ITGA9: variants seen among roughly 807,000 people sequenced by gnomAD.
ITGA9 encodes integrin subunit alpha 9, also known as integrin alpha-9.
A neutral mutation model predicts 127.8 loss-of-function variants in ITGA9; 56 were observed. The observed-to-expected ratio is 0.44, with a 90% CI of 0.35 to 0.55. ITGA9 has a LOEUF of 0.55. Among genes scored for constraint, ITGA9 ranks in the 20% least tolerant of loss-of-function variants. ITGA9 has a pLI of 0.00. For synonymous variants in ITGA9, 508 were observed against 514.5 expected, an observed-to-expected ratio of 0.99 and a Z score of 0.17; for missense variants, 1,196 against 1,347.1, an observed-to-expected ratio of 0.89 and a Z score of 1.76.
At chr3:37,557,404 CAG>C (rs1307686736) in intron 15 of ITGA9, among the ~76,000 whole-genome samples, 1 of 152,184 alleles carries the variant, frequency 6.6e-6, no homozygotes, top group African/African-American at 2.4e-5. Flanking sequence ...CTGTCACCTA[CAG>C]AGAGCTAGGG....
At chr3:37,764,917 C>A (rs1221593241) in intron 23 of ITGA9, among the ~76,000 whole-genome samples, 1 of 152,230 alleles carries the variant, frequency 6.6e-6, no homozygotes, top group Non-Finnish European at 1.5e-5. Flanking sequence ...CCTAAAGTTG[C>A]AAACCCCCAT....
intron 8 of ITGA9, among the ~76,000 whole-genome samples, chr3:37,511,777 T>C (rs1698907308): frequency 6.6e-6 from 1 of 152,190 alleles, no homozygotes; most frequent in South Asian, 2.1e-4. Flanking sequence ...GAGCGGCCAC[T>C]ACAAAGCCCT....
At chr3:37,467,827 G>T (rs1359857118) in intron 1 of ITGA9, among the ~76,000 whole-genome samples, 1 of 152,158 alleles carries the variant, frequency 6.6e-6, no homozygotes, top group Non-Finnish European at 1.5e-5. Context: ...GGCTGAGGAT[G>T]TTTCAGCAGT....
intron 11 of ITGA9, among the ~76,000 whole-genome samples, chr3:37,523,091 C>T (rs2125582355): frequency 6.6e-6 from 1 of 152,240 alleles, no homozygotes; most frequent in East Asian, 1.9e-4. Flanking sequence ...CTCTTAGGAG[C>T]AGAGTGTTAA....
At chr3:37,545,960 T>G (rs1226487506) in intron 15 of ITGA9, among the ~76,000 whole-genome samples, 1 of 152,246 alleles carries the variant, frequency 6.6e-6, no homozygotes, top group Non-Finnish European at 1.5e-5. Context: ...GCCCGGTTTG[T>G]GTCATATTCA....
At chr3:37,679,470 A>G (rs1700713884) in intron 17 of ITGA9, among the ~76,000 whole-genome samples, 1 of 152,126 alleles carries the variant, frequency 6.6e-6, no homozygotes. Flanking sequence ...CTTCATGCCA[A>G]AGGAGGTGTG....
At chr3:37,533,805 G>A (rs1297287572) in intron 14 of ITGA9, among the ~76,000 whole-genome samples, 2 of 152,146 alleles carry the variant, frequency 1.3e-5, no homozygotes, top group Non-Finnish European at 2.9e-5. Flanking sequence ...GGGAACATTC[G>A]AGCAGTTAGA....
intron 23 of ITGA9, among the ~76,000 whole-genome samples, chr3:37,751,630 G>A (rs1696587420): frequency 6.6e-6 from 1 of 152,112 alleles, no homozygotes; most frequent in Admixed American, 6.5e-5. Flanking sequence ...CCAAGGAAAA[G>A]CCACTGGAAG....
intron 22 of ITGA9, chr3:37,748,257 A>G (rs1696531384): frequency 2.0e-6 from 1 of 498,186 alleles, no homozygotes; most frequent in Non-Finnish European, 3.8e-6. Flanking sequence ...GTACTGTTCA[A>G]AAAGGAAGGC....
At chr3:37,534,506 C>A (rs1699189608) in intron 14 of ITGA9, among the ~76,000 whole-genome samples, 1 of 152,234 alleles carries the variant, frequency 6.6e-6, no homozygotes, top group Non-Finnish European at 1.5e-5. Flanking sequence ...GCACACACGC[C>A]CACTCATGCA....
intron 2 of ITGA9, among the ~76,000 whole-genome samples, chr3:37,472,188 C>T (rs1014777582): frequency 2.0e-5 from 3 of 152,202 alleles, no homozygotes; most frequent in Non-Finnish European, 4.4e-5. Context: ...GCTTCTTGGG[C>T]CTCAGTTCCC....
intron 18 of ITGA9, among the ~76,000 whole-genome samples, chr3:37,726,348 A>G (rs140261057): frequency 1.5e-3 from 223 of 152,346 alleles, no homozygotes; most frequent in African/African-American, 5.1e-3. Context: ...ACATGTCAGA[A>G]CTAGAAAGTT....
At chr3:37,801,051 G>A (rs1697229895) in intron 26 of ITGA9, among the ~76,000 whole-genome samples, 1 of 152,210 alleles carries the variant, frequency 6.6e-6, no homozygotes, top group Non-Finnish European at 1.5e-5. Flanking sequence ...TGTAATCCCA[G>A]CTTCTTGGGA....
intron 6 of ITGA9, 31 bp downstream of exon 6, chr3:37,503,338 A>G: frequency 6.2e-7 from 1 of 1,612,132 alleles, no homozygotes; most frequent in Non-Finnish European, 8.5e-7. Context: ...CAGGTAAGAA[A>G]GGGGAAATGG....
intron 4 of ITGA9, among the ~76,000 whole-genome samples, chr3:37,493,211 C>G (rs1347301190): frequency 1.3e-5 from 2 of 152,220 alleles, no homozygotes; most frequent in African/African-American, 4.8e-5. Context: ...CTGAATTACT[C>G]TGTATATTTC....
chr3:37,617,455 C>G (rs1196059714), intron 15 of ITGA9, among the ~76,000 whole-genome samples: 2 of 152,166 alleles, frequency 1.3e-5, no homozygotes, highest in Non-Finnish European at 2.9e-5. Flanking sequence ...AGTTGCTCTT[C>G]TCGAGGAGTA....
chr3:37,639,343 C>A (rs554802714), intron 16 of ITGA9, among the ~76,000 whole-genome samples: 18 of 152,262 alleles, frequency 1.2e-4, no homozygotes, highest in African/African-American at 4.1e-4. Context: ...GAATAATTTA[C>A]AAAGTGAGAT....
chr3:37,792,880 T>C (rs926764295), intron 26 of ITGA9, among the ~76,000 whole-genome samples: 4 of 152,094 alleles, frequency 2.6e-5, no homozygotes, highest in African/African-American at 9.7e-5. Context: ...CCGGTGCCAC[T>C]CACACGTAAG....
chr3:37,554,825 G>C (rs1424734768), intron 15 of ITGA9, among the ~76,000 whole-genome samples: 1 of 152,198 alleles, frequency 6.6e-6, no homozygotes, highest in African/African-American at 2.4e-5. Context: ...GGAAGGTGCA[G>C]GTGAGCAGGT....
Sources: allele counts gnomAD v4.1 joint callset (sites outside exome capture counted in the v4.1 genomes callset), GRCh38; gene constraint gnomAD v4.1.1; transcripts MANE v1.5; gene names NCBI Gene and HGNC (gene_info 2026-07-23, HGNC 2026-07-21).